Variants in CADM2 observed in about 807,000 individuals in gnomAD.
CADM2 encodes immunoglobulin superfamily member 4D.
Under a neutral mutation model 49.8 loss-of-function variants are expected in CADM2, and 12 were observed. That is an observed-to-expected ratio of 0.24 (90% CI 0.15 to 0.39). The LOEUF is 0.39. Among genes scored for constraint, CADM2 ranks in the 10% least tolerant of loss-of-function variants. The probability of loss-of-function intolerance (pLI) is 1.00; values close to 1 mark genes in which losing one functional copy is unlikely to be tolerated. For synonymous variants in CADM2, 214 were observed against 175.4 expected, an observed-to-expected ratio of 1.22 and a Z score of -1.74; for missense variants, 378 against 492.3, an observed-to-expected ratio of 0.77 and a Z score of 2.20.
At chr3:85,159,792 T>G (rs1188991394) in intron 1 of CADM2, among the ~76,000 whole-genome samples, 2 of 152,198 alleles carry the variant, frequency 1.3e-5, no homozygotes, top group African/African-American at 2.4e-5. Context: ...TCATGTTGTT[T>G]ATAATTCATA....
At chr3:85,922,574 A>G (rs893595662) in intron 6 of CADM2, among the ~76,000 whole-genome samples, 4 of 151,960 alleles carry the variant, frequency 2.6e-5, no homozygotes, top group Admixed American at 1.3e-4. Context: ...ATTGGCATGC[A>G]TGATCCTGAA....
intron 1 of CADM2, among the ~76,000 whole-genome samples, chr3:85,417,932 G>A (rs557326740): frequency 5.3e-5 from 8 of 152,208 alleles, no homozygotes; most frequent in Admixed American, 5.2e-4. Flanking sequence ...CAAGCTTCTA[G>A]GAAGTATAAG....
intron 1 of CADM2, among the ~76,000 whole-genome samples, chr3:85,212,812 C>CCCTT (rs2041809977): frequency 2.9e-5 from 3 of 102,542 alleles, no homozygotes; most frequent in Non-Finnish European, 4.1e-5. Flanking sequence ...TCTTTTTCTT[C>CCCTT]TCTTTCTTTC....
At chr3:85,500,759 C>A (rs1017384140) in intron 1 of CADM2, among the ~76,000 whole-genome samples, 1 of 152,004 alleles carries the variant, frequency 6.6e-6, no homozygotes, top group African/African-American at 2.4e-5. Context: ...CCTCGTGATC[C>A]GCTTGCCTCG....
rs1482472532 is a variant in CADM2 at position 85,823,505 on chromosome 3, G to A, written c.238+21309G>A. ...GATTTCTAAGCATTTTTCTCAATGTGTGTATTTATCTCTTTGCTGGTGAGT... is the reference window on the plus strand; with the variant it reads ...GATTTCTAAGCATTTTTCTCAATGTATGTATTTATCTCTTTGCTGGTGAGT... On this transcript the variant is annotated intron_variant, in intron 3 of 9. Coordinates refer to ENST00000383699, the MANE Select transcript of CADM2 (RefSeq NM_001167675.2). Among the ~76,000 whole-genome samples, 3 of 152,100 alleles carry A rather than the reference G, an allele frequency of 2.0e-5. No homozygotes were observed. In the East Asian group the frequency reaches 5.8e-4, roughly 29 times the overall value.
chr3:85,627,508 G>A (rs769182987), intron 1 of CADM2, among the ~76,000 whole-genome samples: 14 of 152,062 alleles, frequency 9.2e-5, no homozygotes, highest in Non-Finnish European at 1.9e-4. Context: ...AAGGAAATTT[G>A]AAAAGACAGT....
chr3:85,142,613 G>A (rs1334575629), intron 1 of CADM2, among the ~76,000 whole-genome samples: 1 of 152,172 alleles, frequency 6.6e-6, no homozygotes, highest in Non-Finnish European at 1.5e-5. Flanking sequence ...TTATGAAGAA[G>A]AAAATGAACT....
At chr3:85,691,255 T>C (rs1427612421) in intron 1 of CADM2, among the ~76,000 whole-genome samples, 4 of 152,220 alleles carry the variant, frequency 2.6e-5, no homozygotes, top group East Asian at 1.9e-4. Flanking sequence ...AATGAAAGGA[T>C]TGTATTCTTT....
rs535024013 is a variant in CADM2 at position 85,178,989 on chromosome 3, G to A, written c.61+219321G>A. Among the ~76,000 whole-genome samples, 16 of 151,804 alleles carry A rather than the reference G, an allele frequency of 1.1e-4. No individual in the cohort carries two copies. The South Asian group carries it at 1.5e-3, about 14-fold the overall frequency. On this transcript the variant is annotated intron_variant, in intron 1 of 9. Coordinates refer to ENST00000383699, the MANE Select transcript of CADM2 (RefSeq NM_001167675.2). ...GAATGAAGAACATTTTACTTAACAC[G>A]TCATCAAATTATACTATACATCTCC...
At chr3:85,001,200 A>T (rs1576007099) in intron 1 of CADM2, among the ~76,000 whole-genome samples, 1 of 151,566 alleles carries the variant, frequency 6.6e-6, no homozygotes, top group Admixed American at 6.6e-5. Flanking sequence ...TTTCTCTCTC[A>T]TCTCCTTTCT....
chr3:85,974,596 A>G (rs1726548374), intron 8 of CADM2, among the ~76,000 whole-genome samples: 1 of 151,650 alleles, frequency 6.6e-6, no homozygotes, highest in Non-Finnish European at 1.5e-5. Flanking sequence ...TATCATATTC[A>G]AGTTTAGCCA....
intron 1 of CADM2, among the ~76,000 whole-genome samples, chr3:85,062,838 C>T (rs1348847084): frequency 1.3e-5 from 2 of 151,890 alleles, no homozygotes; most frequent in Non-Finnish European, 2.9e-5. Context: ...AAAATTACAT[C>T]TCAGCCTTAT....
At chr3:84,998,367 G>A (rs774249050) in intron 1 of CADM2, among the ~76,000 whole-genome samples, 6 of 151,930 alleles carry the variant, frequency 3.9e-5, no homozygotes, top group Admixed American at 6.6e-5. Flanking sequence ...TATGTTCTCC[G>A]GAGCAAGTAA....
intron 1 of CADM2, among the ~76,000 whole-genome samples, chr3:85,281,529 T>A (rs2043499479): frequency 6.6e-6 from 1 of 151,980 alleles, no homozygotes; most frequent in Non-Finnish European, 1.5e-5. Context: ...TTTCAAAGAG[T>A]GCCATTGTGT....
chr3:85,805,117 T>C (rs2072323121), intron 3 of CADM2, among the ~76,000 whole-genome samples: 1 of 152,110 alleles, frequency 6.6e-6, no homozygotes, highest in Non-Finnish European at 1.5e-5. Flanking sequence ...ATTTTTTTTG[T>C]ATTTTTTGTG....
At chr3:85,564,418 T>G (rs1352316077) in intron 1 of CADM2, among the ~76,000 whole-genome samples, 1 of 152,090 alleles carries the variant, frequency 6.6e-6, no homozygotes, top group Non-Finnish European at 1.5e-5. Flanking sequence ...AGCACGGGTA[T>G]TTATATGGCT....
intron 8 of CADM2, among the ~76,000 whole-genome samples, chr3:85,979,684 G>A (rs995207812): frequency 1.5e-4 from 23 of 151,592 alleles, no homozygotes; most frequent in African/African-American, 5.6e-4. Flanking sequence ...CCACTCCTCT[G>A]CAACTATGTT....
At chr3:86,036,284 A>G (rs1338621721) in intron 8 of CADM2, among the ~76,000 whole-genome samples, 3 of 152,072 alleles carry the variant, frequency 2.0e-5, no homozygotes, top group Admixed American at 6.6e-5. Flanking sequence ...TTCTCTGCAG[A>G]ATCTATTGGT....
intron 1 of CADM2, among the ~76,000 whole-genome samples, chr3:85,436,546 G>A (rs1363217161): frequency 1.3e-5 from 2 of 152,060 alleles, no homozygotes; most frequent in African/African-American, 4.8e-5. Context: ...TTGACTGTGG[G>A]TTTGTTATAA....
Sources: gnomAD v4.1 joint callset for allele counts (sites outside exome capture counted in the v4.1 genomes callset) on GRCh38, gnomAD v4.1.1 for gene constraint, MANE v1.5 for transcripts, NCBI Gene and HGNC (gene_info 2026-07-23, HGNC 2026-07-21) for gene names.